SMOC1: variants seen among roughly 807,000 people sequenced by gnomAD.
The protein encoded by SMOC1 is SPARC related modular calcium binding 1, also known as SPARC-related modular calcium-binding protein 1.
Under a neutral mutation model 56.3 loss-of-function variants are expected in SMOC1, and 22 were observed. The observed-to-expected ratio is 0.39, with a 90% CI of 0.28 to 0.56. The LOEUF (loss-of-function observed/expected upper bound fraction) is 0.56. Ranked by LOEUF, SMOC1 falls within the 20% of genes least tolerant of loss-of-function variation. The pLI, the probability that SMOC1 is intolerant of heterozygous loss-of-function variation, is 0.61. For missense variants in SMOC1, 509 were observed against 565.4 expected, an observed-to-expected ratio of 0.90 and a Z score of 1.01; for synonymous variants, 193 against 215.0, an observed-to-expected ratio of 0.90 and a Z score of 0.89.
chr14:69,884,583 C>T (rs993211305), intron 1 of SMOC1, among the ~76,000 whole-genome samples: 6 of 152,184 alleles, frequency 3.9e-5, no homozygotes, highest in African/African-American at 1.4e-4. Context: ...ACATTTAAGT[C>T]TTTAATTCAT....
rs779510142 is a variant in SMOC1 at position 69,994,366 on chromosome 14, C to G, written c.584-34C>G. On this transcript the variant is annotated intron_variant, in intron 6 of 11. Coordinates refer to ENST00000361956, the MANE Select transcript of SMOC1 (RefSeq NM_001034852.3). ...CTTCCACTCACATAGTCTCTTTGCC[C>G]AGACTTTTTCTCTCTCCTTTTCCTC... The G allele has an allele frequency of 3.9e-6, 6 of 1,553,538 alleles. No individual in the cohort carries two copies. The East Asian group carries it at 1.3e-4, about 35-fold the overall frequency.
intron 1 of SMOC1, among the ~76,000 whole-genome samples, chr14:69,913,353 G>A (rs1291302): frequency 0.58 from 88,336 of 152,034 alleles, 28,912 homozygotes; most frequent in East Asian, 0.8. Flanking sequence ...GACAAAATAA[G>A]CAAAATATGA....
intron 1 of SMOC1, among the ~76,000 whole-genome samples, chr14:69,903,914 A>G (rs74896485): frequency 1.3e-5 from 2 of 151,854 alleles, no homozygotes; most frequent in African/African-American, 4.8e-5. Context: ...AAAAAAAAAA[A>G]AAGAAAGAAA....
chr14:70,017,077 G>A (rs540218665), intron 10 of SMOC1, among the ~76,000 whole-genome samples: 3 of 152,298 alleles, frequency 2.0e-5, no homozygotes, highest in African/African-American at 4.8e-5. Context: ...GAACATAGTA[G>A]GTGCCCAGTA....
intron 3 of SMOC1, among the ~76,000 whole-genome samples, chr14:69,956,873 A>C (rs967455897): frequency 6.6e-6 from 1 of 152,172 alleles, no homozygotes; most frequent in Non-Finnish European, 1.5e-5. Flanking sequence ...ATCCCAGACC[A>C]TTAAATCAAT....
At chr14:69,997,773 G>A (rs1884820581) in intron 7 of SMOC1, among the ~76,000 whole-genome samples, 1 of 152,158 alleles carries the variant, frequency 6.6e-6, no homozygotes, top group Non-Finnish European at 1.5e-5. Flanking sequence ...TTTGGCTCTG[G>A]TAGGGACTGG....
chr14:69,994,337 T>C, intron 6 of SMOC1, 63 bp from the exon 7 acceptor site: 1 of 1,297,738 alleles, frequency 7.7e-7, no homozygotes, highest in South Asian at 1.2e-5. Context: ...AGTCTGAGGT[T>C]ACACTTCCAC....
At chr14:69,941,103 C>T (rs1476936680) in intron 1 of SMOC1, among the ~76,000 whole-genome samples, 2 of 152,226 alleles carry the variant, frequency 1.3e-5, no homozygotes, top group Non-Finnish European at 2.9e-5. Context: ...GTCCTCCTTT[C>T]TCCTTCTTTC....
chr14:70,011,453 T>TCCCCACCCCCC, intron 8 of SMOC1, 32 bp from the exon 9 acceptor site: 2 of 873,950 alleles, frequency 2.3e-6, no homozygotes, highest in Non-Finnish European at 3.6e-6. Context: ...TGCCAGCCCC[T>TCCCCACCCCCC]CCCAACCCCC....
At chr14:69,909,775 A>G (rs1256492915) in intron 1 of SMOC1, among the ~76,000 whole-genome samples, 5 of 152,216 alleles carry the variant, frequency 3.3e-5, no homozygotes, top group African/African-American at 9.6e-5. Flanking sequence ...CTGTATTCTC[A>G]TGGATATTGG....
intron 1 of SMOC1, among the ~76,000 whole-genome samples, chr14:69,934,603 C>G (rs1041629045): frequency 6.6e-6 from 1 of 152,128 alleles, no homozygotes; most frequent in African/African-American, 2.4e-5. Flanking sequence ...GACTCAGCAT[C>G]TTTGTTTAGT....
intron 7 of SMOC1, among the ~76,000 whole-genome samples, chr14:70,008,190 C>G (rs115759517): frequency 0.018 from 2,810 of 152,064 alleles, 33 homozygotes; most frequent in Middle Eastern, 0.1. Context: ...AGTGCAGTGG[C>G]GTGATCATGG....
chr14:70,032,199 T>G lies in SMOC1; in HGVS notation c.*1941T>G, dbSNP rs1886177224. On this transcript the variant is annotated 3_prime_UTR_variant, in exon 12 of 12. Transcript: ENST00000361956. ...CAGGCCTGGAGGAAGCATGCACACATGGAGACGGCGCCTGCCTGTAGATGT... is the reference window on the plus strand; with the variant it reads ...CAGGCCTGGAGGAAGCATGCACACAGGGAGACGGCGCCTGCCTGTAGATGT... 2 of 152,276 alleles carry G rather than the reference T, an allele frequency of 1.3e-5. No individual in the cohort carries two copies. Among genetic ancestry groups the G allele is most frequent in the Admixed American group, 1.3e-4 (2 of 15,288 alleles). The allele number at this position is 152,276 out of a possible 1,614,324, so 9.4% of individuals were successfully genotyped here. A position where few individuals can be genotyped will look rare whatever the true frequency, so the allele number is the denominator to read the frequency against.
At chr14:70,008,804 C>T (rs563852956) in intron 7 of SMOC1, among the ~76,000 whole-genome samples, 8 of 152,320 alleles carry the variant, frequency 5.3e-5, no homozygotes, top group Non-Finnish European at 8.8e-5. Context: ...TCTATTGCCT[C>T]TTTCATGGCA....
rs542162843 is a variant in SMOC1, at chr14:69,900,383, T to G, written c.99+20606T>G. 3.3e-5 allele frequency among the ~76,000 whole-genome samples: 5 copies of G among 152,382 alleles called. No individual in the cohort carries two copies. The South Asian group carries it at 1.0e-3, about 32-fold the overall frequency. On this transcript the variant is annotated intron_variant, in intron 1 of 11. Transcript: ENST00000361956. Reference sequence around the variant, plus strand: ...CTACAAAAATTTATTGAGCTACTGCTATGTGCCAGCTAGTGTTCTAGGCAC... The same window carrying G: ...CTACAAAAATTTATTGAGCTACTGCGATGTGCCAGCTAGTGTTCTAGGCAC...
chr14:69,926,422 T>G (rs1461412286), intron 1 of SMOC1, among the ~76,000 whole-genome samples: 1 of 152,230 alleles, frequency 6.6e-6, no homozygotes, highest in Non-Finnish European at 1.5e-5. Context: ...CGGGACAGAC[T>G]GCCAGTCCCG....
At chr14:70,011,285 A>G (rs540299099) in intron 8 of SMOC1, among the ~76,000 whole-genome samples, 200 bp from the exon 9 acceptor site, 1 of 152,336 alleles carries the variant, frequency 6.6e-6, no homozygotes, top group East Asian at 1.9e-4. Flanking sequence ...AGTGGTTGAA[A>G]TGACATGCCT....
chr14:69,976,624 C>T (rs921356348), intron 4 of SMOC1, among the ~76,000 whole-genome samples: 7 of 152,216 alleles, frequency 4.6e-5, no homozygotes, highest in Non-Finnish European at 1.0e-4. Flanking sequence ...ACAAGCCCCA[C>T]AGTGTCCACC....
rs1884574816 is a variant in SMOC1 at position 69,912,310 on chromosome 14, A to G, written c.99+32533A>G. Reference sequence around the variant, plus strand: ...GTCACTCAGGCTGGAGTGTAGTTGCATGATCATAGCTCACTGCAACCTTGA... The same window carrying G: ...GTCACTCAGGCTGGAGTGTAGTTGCGTGATCATAGCTCACTGCAACCTTGA... On this transcript the variant is annotated intron_variant, in intron 1 of 11. Coordinates refer to ENST00000361956, the MANE Select transcript of SMOC1 (RefSeq NM_001034852.3). Among the ~76,000 whole-genome samples the G allele has an allele frequency of 1.3e-5, 2 of 152,194 alleles. 1 individual carries two copies.
Sources: gnomAD v4.1 joint callset for allele counts (sites outside exome capture counted in the v4.1 genomes callset) on GRCh38, gnomAD v4.1.1 for gene constraint, MANE v1.5 for transcripts, NCBI Gene and HGNC (gene_info 2026-07-23, HGNC 2026-07-21) for gene names.